Variants in CCDC158 observed in about 807,000 individuals in gnomAD.
The protein encoded by CCDC158 is coiled-coil domain containing 158.
In CCDC158, 116 loss-of-function variants were observed where a neutral mutation model predicts 138.6. The observed-to-expected ratio is 0.84, with a 90% CI of 0.72 to 0.98. The LOEUF (loss-of-function observed/expected upper bound fraction) is 0.98, where lower values mean the gene tolerates loss of function less well. CCDC158 is among the 50% of genes least tolerant of loss of function. The pLI is 0.00. For synonymous variants in CCDC158, 436 were observed against 442.4 expected, an observed-to-expected ratio of 0.99 and a Z score of 0.18; for missense variants, 1,265 against 1,306.1, an observed-to-expected ratio of 0.97 and a Z score of 0.48.
intron 24 of CCDC158, among the ~76,000 whole-genome samples, chr4:76,323,068 G>A (rs564093900): frequency 6.6e-6 from 1 of 152,138 alleles, no homozygotes; most frequent in Non-Finnish European, 1.5e-5. Context: ...AGGGATGGCC[G>A]GCAGGATTGT....
intron 20 of CCDC158, among the ~76,000 whole-genome samples, chr4:76,332,151 GA>G: frequency 6.6e-6 from 1 of 152,034 alleles, no homozygotes; most frequent in Non-Finnish European, 1.5e-5. Flanking sequence ...TGTAAATGTA[GA>G]AAAAGTCTTC....
intron 10 of CCDC158, among the ~76,000 whole-genome samples, chr4:76,370,042 C>T (rs943224378): frequency 6.6e-6 from 1 of 152,126 alleles, no homozygotes; most frequent in African/African-American, 2.4e-5. Flanking sequence ...AGAATAGTGG[C>T]TGGTACTGGA....
chr4:76,357,275 T>A, intron 14 of CCDC158, 99 bp downstream of exon 14: 1 of 704,708 alleles, frequency 1.4e-6, no homozygotes, highest in East Asian at 2.9e-5. Context: ...TTTAGCACTG[T>A]GAAGAGGTGG....
Position 76,323,240 on chromosome 4 carries a change from T to A in CCDC158, c.3277+62A>T, listed in dbSNP as rs180974490. ...GCAGGTCTATAGACAGGAGGCTTAA[T>A]CTGAAAAGAAGGTGAACATTCTCAT... On this transcript the variant is annotated intron_variant, in intron 24 of 24. Coordinates refer to ENST00000682701, the MANE Select transcript of CCDC158 (RefSeq NM_001394954.1). 4 of 1,217,840 alleles carry A rather than the reference T, an allele frequency of 3.3e-6. No individual in the cohort carries two copies. In the Admixed American group the frequency reaches 7.7e-5, roughly 24 times the overall value. 75.4% of individuals were successfully genotyped at this position (1,217,840 alleles called of 1,614,324 possible). A position where few individuals can be genotyped will look rare whatever the true frequency, so the allele number is the denominator to read the frequency against.
chr4:76,370,815 C>T (rs1404497112), intron 10 of CCDC158, among the ~76,000 whole-genome samples: 1 of 152,194 alleles, frequency 6.6e-6, no homozygotes, highest in East Asian at 1.9e-4. Flanking sequence ...TCTATCCTTA[C>T]CTCAGCTCAT....
chr4:76,336,212 A>C (rs2110116536), intron 18 of CCDC158, among the ~76,000 whole-genome samples: 5 of 141,540 alleles, frequency 3.5e-5, no homozygotes, highest in Admixed American at 7.2e-5. Flanking sequence ...AAAAAAAACC[A>C]TTCAATTTAC....
intron 10 of CCDC158, among the ~76,000 whole-genome samples, chr4:76,370,904 A>C (rs1379511841): frequency 6.6e-6 from 1 of 151,998 alleles, no homozygotes; most frequent in East Asian, 1.9e-4. Flanking sequence ...GTAAGCCGAG[A>C]AATTTATTCT....
At chr4:76,383,145 T>C (rs1014344653) in intron 7 of CCDC158, among the ~76,000 whole-genome samples, 1 of 152,232 alleles carries the variant, frequency 6.6e-6, no homozygotes, top group Admixed American at 6.5e-5. Context: ...CACCAAACTT[T>C]AGTCAGACTC....
At chr4:76,366,315 G>T (rs1259890501) in intron 12 of CCDC158, among the ~76,000 whole-genome samples, 1 of 152,074 alleles carries the variant, frequency 6.6e-6, no homozygotes, top group Non-Finnish European at 1.5e-5. Flanking sequence ...CAATGAACTT[G>T]TTTATTTCCA....
At chr4:76,313,731 G>C (rs1170243983) in intron 24 of CCDC158, among the ~76,000 whole-genome samples, 1 of 152,202 alleles carries the variant, frequency 6.6e-6, no homozygotes, top group African/African-American at 2.4e-5. Flanking sequence ...CTCCGCCCAA[G>C]AGGTCATTAC....
Position 76,331,314 on chromosome 4 carries a change from A to G in CCDC158, c.2942+30T>C, listed in dbSNP as rs760486186. ...AATAATGAACAGTCGTAAAAGGGACATTTTGAAAATGGGGGCTGGTATTTC... is the reference window on the plus strand; with the variant it reads ...AATAATGAACAGTCGTAAAAGGGACGTTTTGAAAATGGGGGCTGGTATTTC... On this transcript the variant is annotated intron_variant, in intron 21 of 24. Transcript: ENST00000682701. 3.8e-6 allele frequency: 6 copies of G among 1,593,398 alleles called. No individual in the cohort carries two copies. The South Asian group carries it at 6.6e-5, about 18-fold the overall frequency.
At position 76,351,805 on chromosome 4, in the gene CCDC158, A is replaced by G. The variant is rs1723071360; in HGVS notation, c.2453T>C (p.Leu818Ser). The change falls in exon 17 of 25, where the codon TTG becomes TCG. Residue 818 changes from leucine to serine, a missense_variant. Physicochemically the swap from Leu to Ser is moderately radical, Grantham distance 145. Coordinates refer to ENST00000682701, the MANE Select transcript of CCDC158 (RefSeq NM_001394954.1). ...NMEVALDKAS[L>S]QFAECQDIIQ... ...TATATCTTGACATTCTGCAAACTGC[A>G]AAGATGCCTACAAATGGAGCAATCA... 2 of 1,605,208 alleles carry G rather than the reference A, an allele frequency of 1.2e-6. No individual in the cohort carries two copies. Among genetic ancestry groups the G allele is most frequent in the Non-Finnish European group, 1.7e-6 (2 of 1,172,090 alleles).
At chr4:76,344,838 G>T in intron 18 of CCDC158, 1 of 1,595,840 alleles carries the variant, frequency 6.3e-7, no homozygotes, top group Non-Finnish European at 8.6e-7. Flanking sequence ...AGAGGGTGAA[G>T]GGTCTATGAC....
chr4:76,391,387 A>G (rs1727293926), intron 4 of CCDC158, among the ~76,000 whole-genome samples: 1 of 152,082 alleles, frequency 6.6e-6, no homozygotes, highest in Admixed American at 6.5e-5. Context: ...TTTGGAAACC[A>G]TACAAATACA....
intron 9 of CCDC158, chr4:76,375,030 A>G (rs1303789000): frequency 6.6e-6 from 1 of 152,256 alleles, no homozygotes; most frequent in Non-Finnish European, 1.5e-5. Context: ...GAGTAAAAAC[A>G]TTTATATTAA....
intron 1 of CCDC158, among the ~76,000 whole-genome samples, 156 bp downstream of exon 1, chr4:76,420,809 T>C (rs1730059480): frequency 6.6e-6 from 1 of 152,056 alleles, no homozygotes; most frequent in Non-Finnish European, 1.5e-5. Flanking sequence ...AGCAGCTCAT[T>C]CCAGTAAAGA....
chr4:76,353,724 C>T (rs958969349), intron 15 of CCDC158, among the ~76,000 whole-genome samples: 76 of 152,228 alleles, frequency 5.0e-4, no homozygotes, highest in African/African-American at 1.8e-3. Flanking sequence ...TGCATACCTG[C>T]GACAGAAAAA....
At chr4:76,401,743 C>CTGTA (rs1204461215) in intron 3 of CCDC158, among the ~76,000 whole-genome samples, 1 of 152,074 alleles carries the variant, frequency 6.6e-6, no homozygotes, top group Non-Finnish European at 1.5e-5. Flanking sequence ...GGTCAAAAAG[C>CTGTA]TGTAAGTCTA....
In CCDC158 at chr4:76,313,211, T is replaced by C. The variant is rs1016499070; in HGVS notation, c.3313A>G (p.Ile1105Val). ...TTTTCCTGGTCTTTTACTTTCTGTA[T>C]CCTCTTTTCTTGATTTCTGATCATT... ...SSMIRNQEKR[I>V]QKVKDQEKML... Residue 1105 changes from isoleucine to valine, a missense_variant, in exon 25 of 25, where the codon ATA becomes GTA. Ile to Val is a conservative substitution (Grantham distance 29, BLOSUM62 3). Coordinates refer to ENST00000682701, the MANE Select transcript of CCDC158 (RefSeq NM_001394954.1). 3.1e-6 allele frequency: 5 copies of C among 1,609,374 alleles called. No homozygotes were observed. The highest frequency in any genetic ancestry group is 4.2e-6 in the Non-Finnish European group (5 of 1,177,384).
Sources: gnomAD v4.1 joint callset for allele counts (sites outside exome capture counted in the v4.1 genomes callset) on GRCh38, gnomAD v4.1.1 for gene constraint, MANE v1.5 for transcripts, NCBI Gene and HGNC (gene_info 2026-07-23, HGNC 2026-07-21) for gene names.